The following NKAIN2 variants were observed in gnomAD, a reference collection of about 807,000 sequenced individuals.
The protein encoded by NKAIN2 is sodium/potassium transporting ATPase interacting 2.
Under a neutral mutation model 32.6 loss-of-function variants are expected in NKAIN2, and 14 were observed. The ratio of observed to expected loss-of-function variants is 0.43; its 90% CI spans 0.28 to 0.67. The LOEUF is 0.67. Among genes scored for constraint, NKAIN2 ranks in the 30% least tolerant of loss-of-function variants. NKAIN2 has a pLI of 0.17. For synonymous variants in NKAIN2, 80 were observed against 87.2 expected, an observed-to-expected ratio of 0.92 and a Z score of 0.46; for missense variants, 198 against 258.3, an observed-to-expected ratio of 0.77 and a Z score of 1.60.
Position 124,719,144 on chromosome 6 carries a change from T to TC in NKAIN2, c.474+60760dup, listed in dbSNP as rs748962905. The stretch of plus-strand genomic sequence containing the variant: ...TCATTAGTCAAATAGACTGTTTTTT[T>TC]CCATAATATTCTTAGGATAAATTGC... On this transcript the variant is annotated intron_variant, in intron 4 of 6. Coordinates refer to ENST00000368417, the MANE Select transcript of NKAIN2 (RefSeq NM_001040214.3). Among the ~76,000 whole-genome samples the TC allele has an allele frequency of 1.4e-3, 212 of 152,328 alleles. 1 individual carries two copies. Among genetic ancestry groups the TC allele is most frequent in the Non-Finnish European group, 2.2e-3 (153 of 68,018 alleles).
intron 3 of NKAIN2, among the ~76,000 whole-genome samples, chr6:124,474,597 A>G (rs1451647258): frequency 6.6e-6 from 1 of 152,000 alleles, no homozygotes; most frequent in African/African-American, 2.4e-5. Flanking sequence ...CAAAAACCAA[A>G]TATTTTAAAG....
intron 2 of NKAIN2, among the ~76,000 whole-genome samples, chr6:124,296,868 T>C (rs774890792): frequency 6.6e-6 from 1 of 152,180 alleles, no homozygotes; most frequent in South Asian, 2.1e-4. Context: ...TTTAGTGTTG[T>C]ACATCACACA....
chr6:124,520,882 T>A (rs1202811135), intron 3 of NKAIN2, among the ~76,000 whole-genome samples: 3 of 152,230 alleles, frequency 2.0e-5, no homozygotes, highest in Admixed American at 2.0e-4. Flanking sequence ...CAGGAGAAGA[T>A]AAAAGGGTTT....
intron 1 of NKAIN2, among the ~76,000 whole-genome samples, chr6:124,182,258 G>A (rs1789483725): frequency 6.6e-6 from 1 of 152,156 alleles, no homozygotes; most frequent in Non-Finnish European, 1.5e-5. Flanking sequence ...TCTCTCCCAT[G>A]ACATGTGGGA....
chr6:124,302,970 G>A (rs1304559390), intron 2 of NKAIN2, among the ~76,000 whole-genome samples: 2 of 152,186 alleles, frequency 1.3e-5, no homozygotes, highest in Non-Finnish European at 2.9e-5. Flanking sequence ...GTTTATGAAT[G>A]AGAGCAGCAG....
intron 1 of NKAIN2, among the ~76,000 whole-genome samples, chr6:123,949,758 A>G (rs1280758130): frequency 1.3e-5 from 2 of 151,980 alleles, no homozygotes; most frequent in Non-Finnish European, 2.9e-5. Flanking sequence ...GGACAAATTG[A>G]CTTATTCTTC....
chr6:124,394,876 T>A (rs538527626), intron 3 of NKAIN2, among the ~76,000 whole-genome samples: 6 of 152,214 alleles, frequency 3.9e-5, no homozygotes, highest in African/African-American at 1.4e-4. Context: ...AATTAACATA[T>A]AAAGTTAACC....
intron 3 of NKAIN2, among the ~76,000 whole-genome samples, chr6:124,652,349 C>T (rs1583585556): frequency 6.6e-6 from 1 of 152,218 alleles, no homozygotes; most frequent in East Asian, 1.9e-4. Context: ...TTCAGACTTT[C>T]CCTGTAGCTC....
At chr6:124,184,316 AT>A (rs1789600022) in intron 1 of NKAIN2, among the ~76,000 whole-genome samples, 1 of 151,830 alleles carries the variant, frequency 6.6e-6, no homozygotes, top group African/African-American at 2.4e-5. Context: ...CTCCCAGACC[AT>A]TTTGTAACTG....
At chr6:124,780,102 T>G (rs754439192) in intron 4 of NKAIN2, among the ~76,000 whole-genome samples, 18 of 152,208 alleles carry the variant, frequency 1.2e-4, no homozygotes, top group Non-Finnish European at 1.9e-4. Flanking sequence ...AATAAGATTC[T>G]ATTGTATGAA....
At position 124,304,289 on chromosome 6, in the gene NKAIN2, A is replaced by C. The variant is rs758020958; in HGVS notation, c.192+21147A>C. Among the ~76,000 whole-genome samples, 58 of 152,298 alleles carry C rather than the reference A, an allele frequency of 3.8e-4. 1 individual carries two copies. The highest frequency in any genetic ancestry group is 3.3e-4 in the Admixed American group (5 of 15,300). On this transcript the variant is annotated intron_variant, in intron 2 of 6. Coordinates refer to ENST00000368417, the MANE Select transcript of NKAIN2 (RefSeq NM_001040214.3). ...AAACTTCTTACTGAGCCTAAATTTT[A>C]TCTGGATTCTTAATATTGCTCTGCA... is the stretch of plus-strand genomic sequence containing the variant.
chr6:124,660,134 A>G (rs1784694033), intron 4 of NKAIN2, among the ~76,000 whole-genome samples: 1 of 152,158 alleles, frequency 6.6e-6, no homozygotes. Flanking sequence ...CAGATAAAAT[A>G]TCTTTATATA....
At chr6:124,675,574 T>G (rs1333752672) in intron 4 of NKAIN2, among the ~76,000 whole-genome samples, 1 of 152,100 alleles carries the variant, frequency 6.6e-6, no homozygotes, top group African/African-American at 2.4e-5. Flanking sequence ...GATAATTAAG[T>G]CTTGATAGAT....
chr6:124,705,017 T>TA (rs1218075652), intron 4 of NKAIN2, among the ~76,000 whole-genome samples: 1 of 152,018 alleles, frequency 6.6e-6, no homozygotes, highest in African/African-American at 2.4e-5. Context: ...CTCTTTTCTT[T>TA]AAAAAAAGTT....
intron 4 of NKAIN2, among the ~76,000 whole-genome samples, chr6:124,790,252 T>C (rs1779688335): frequency 6.6e-6 from 1 of 152,094 alleles, no homozygotes; most frequent in Non-Finnish European, 1.5e-5. Context: ...GTGTACCCTT[T>C]GACTTAAAAT....
intron 4 of NKAIN2, among the ~76,000 whole-genome samples, chr6:124,715,123 G>A (rs1775689535): frequency 6.6e-6 from 1 of 152,146 alleles, no homozygotes; most frequent in Non-Finnish European, 1.5e-5. Context: ...CCTCTCTGGA[G>A]CCCTCTAGAA....
intron 1 of NKAIN2, among the ~76,000 whole-genome samples, chr6:123,833,294 T>C (rs955150714): frequency 6.6e-6 from 1 of 152,198 alleles, no homozygotes; most frequent in African/African-American, 2.4e-5. Flanking sequence ...TCCACTGATT[T>C]ATCTGTCTGT....
intron 2 of NKAIN2, among the ~76,000 whole-genome samples, chr6:124,317,585 G>A (rs1390809796): frequency 1.3e-5 from 2 of 152,020 alleles, no homozygotes; most frequent in East Asian, 3.9e-4. Flanking sequence ...CTTTACTAGG[G>A]TGATTGAGTT....
intron 1 of NKAIN2, among the ~76,000 whole-genome samples, chr6:124,263,746 T>A (rs1052673923): frequency 6.6e-6 from 1 of 152,070 alleles, no homozygotes; most frequent in African/African-American, 2.4e-5. Flanking sequence ...GACAACACCA[T>A]CTGCCAGCTT....
Sources: allele counts gnomAD v4.1 joint callset (sites outside exome capture counted in the v4.1 genomes callset), GRCh38; gene constraint gnomAD v4.1.1; transcripts MANE v1.5; gene names NCBI Gene and HGNC (gene_info 2026-07-23, HGNC 2026-07-21).